Variants in SRRM4 observed in about 807,000 individuals in gnomAD.
SRRM4 encodes the protein serine/arginine repetitive matrix 4.
Under a neutral mutation model 68.9 loss-of-function variants are expected in SRRM4, and 33 were observed. That is an observed-to-expected ratio of 0.48 (90% CI 0.36 to 0.64). SRRM4 has a LOEUF of 0.64. Among genes scored for constraint, SRRM4 ranks in the 30% least tolerant of loss-of-function variants. The probability of loss-of-function intolerance (pLI) is 0.00; values close to 1 mark genes in which losing one functional copy is unlikely to be tolerated. For missense variants in SRRM4, 817 were observed against 827.1 expected (o/e 0.99, Z 0.15); for synonymous variants, 318 against 318.8 (o/e 1.00, Z 0.03).
At chr12:119,047,532 T>A (rs552779642) in intron 1 of SRRM4, among the ~76,000 whole-genome samples, 1 of 152,180 alleles carries the variant, frequency 6.6e-6, no homozygotes, top group African/African-American at 2.4e-5. Flanking sequence ...ATCATTCTTA[T>A]CCCTTTGTGT....
Position 119,156,914 on chromosome 12 carries a change from C to T in SRRM4, c.*116C>T, listed in dbSNP as rs1954477822. On this transcript the variant is annotated 3_prime_UTR_variant, in exon 13 of 13. Coordinates refer to ENST00000267260, the MANE Select transcript of SRRM4 (RefSeq NM_194286.4). The stretch of plus-strand genomic sequence containing the variant: ...TGAGGGCTCCTATACCTTGTCCTTC[C>T]TGCTTGCCTAGGGGAAGAGGAGAAG... The T allele has an allele frequency of 7.7e-7, 1 of 1,304,514 alleles. No homozygotes were observed. Among genetic ancestry groups the T allele is most frequent in the African/African-American group, 1.5e-5 (1 of 67,240 alleles). 80.8% of individuals were successfully genotyped at this position (1,304,514 alleles called of 1,614,324 possible).
chr12:119,143,236 C>T (rs1461079597), intron 8 of SRRM4, among the ~76,000 whole-genome samples: 1 of 152,174 alleles, frequency 6.6e-6, no homozygotes, highest in East Asian at 1.9e-4. Context: ...ACCCTCATGA[C>T]CAATTGCTGA....
intron 1 of SRRM4, among the ~76,000 whole-genome samples, chr12:119,080,483 C>T (rs1953941363): frequency 6.6e-6 from 1 of 152,212 alleles, no homozygotes; most frequent in African/African-American, 2.4e-5. Flanking sequence ...AGGTTATAAA[C>T]ATTTAAGGTT....
chr12:119,119,049 GA>G (rs1463605590), intron 4 of SRRM4, among the ~76,000 whole-genome samples: 1 of 94,198 alleles, frequency 1.1e-5, no homozygotes, highest in Non-Finnish European at 2.0e-5. Context: ...AAAGCACTGA[GA>G]TTTTTTTTTT....
intron 1 of SRRM4, among the ~76,000 whole-genome samples, chr12:119,034,375 A>C (rs957811133): frequency 6.6e-6 from 1 of 152,098 alleles, no homozygotes. Flanking sequence ...GGCTGGGAGG[A>C]TCCACTCTTC....
At chr12:119,058,531 A>C (rs1953791329) in intron 1 of SRRM4, among the ~76,000 whole-genome samples, 4 of 152,196 alleles carry the variant, frequency 2.6e-5, no homozygotes, top group Admixed American at 2.6e-4. Flanking sequence ...AGGTACTTTG[A>C]GTCAAAAGTC....
intron 8 of SRRM4, among the ~76,000 whole-genome samples, chr12:119,140,613 G>A (rs1319344670): frequency 6.6e-6 from 1 of 152,242 alleles, no homozygotes; most frequent in African/African-American, 2.4e-5. Context: ...GCATGCAAAT[G>A]ACTGAACTCA....
chr12:119,061,804 G>A (rs1274468582), intron 1 of SRRM4, among the ~76,000 whole-genome samples: 1 of 152,092 alleles, frequency 6.6e-6, no homozygotes, highest in African/African-American at 2.4e-5. Flanking sequence ...CATGATAAGA[G>A]ACTTGCAGCT....
chr12:119,007,344 GAACA>G (rs1953422565), intron 1 of SRRM4, among the ~76,000 whole-genome samples: 1 of 152,186 alleles, frequency 6.6e-6, no homozygotes. Flanking sequence ...CTGCGCAGGA[GAACA>G]AACAAATATT....
intron 1 of SRRM4, among the ~76,000 whole-genome samples, chr12:119,100,500 A>G (rs1954072239): frequency 6.6e-6 from 1 of 151,864 alleles, no homozygotes; most frequent in Admixed American, 6.6e-5. Flanking sequence ...AAAAAAAAAA[A>G]TGTGTTACCA....
chr12:119,122,471 G>T (rs1208403413), intron 6 of SRRM4, among the ~76,000 whole-genome samples: 1 of 150,374 alleles, frequency 6.7e-6, no homozygotes, highest in South Asian at 2.1e-4. Flanking sequence ...GTGCATGTGT[G>T]TGCCTGGTGT....
At chr12:119,076,286 AC>A (rs1389844541) in intron 1 of SRRM4, among the ~76,000 whole-genome samples, 10 of 152,046 alleles carry the variant, frequency 6.6e-5, no homozygotes, top group African/African-American at 2.4e-4. Flanking sequence ...TCTCACAATC[AC>A]CCTTTGAAGT....
intron 9 of SRRM4, among the ~76,000 whole-genome samples, chr12:119,148,898 A>G (rs1170352278): frequency 6.6e-6 from 1 of 152,178 alleles, no homozygotes; most frequent in Non-Finnish European, 1.5e-5. Context: ...AAGAGACATC[A>G]GCTCTAAATC....
chr12:119,027,187 A>G (rs770208951), intron 1 of SRRM4, among the ~76,000 whole-genome samples: 2 of 152,328 alleles, frequency 1.3e-5, no homozygotes, highest in East Asian at 1.9e-4. Context: ...TGGAGCACCA[A>G]CTAAACCAAC....
chr12:119,110,336 A>G (rs1358975095), intron 2 of SRRM4, among the ~76,000 whole-genome samples: 1 of 152,194 alleles, frequency 6.6e-6, no homozygotes, highest in Non-Finnish European at 1.5e-5. Flanking sequence ...TGGGAGAACC[A>G]CTACTATCTT....
At chr12:119,105,704 G>C (rs1445342167) in intron 2 of SRRM4, among the ~76,000 whole-genome samples, 2 of 151,488 alleles carry the variant, frequency 1.3e-5, no homozygotes, top group African/African-American at 2.4e-5. Flanking sequence ...TAAGTTCTTT[G>C]TAGATTCTGG....
chr12:119,037,194 T>G (rs1953634291), intron 1 of SRRM4, among the ~76,000 whole-genome samples: 2 of 151,522 alleles, frequency 1.3e-5, no homozygotes, highest in South Asian at 4.2e-4. Context: ...GTGATGGGGG[T>G]TTGGGGGATA....
intron 1 of SRRM4, among the ~76,000 whole-genome samples, chr12:118,983,317 A>G (rs899470250): frequency 6.6e-6 from 1 of 152,198 alleles, no homozygotes; most frequent in African/African-American, 2.4e-5. Context: ...ACAGGCCAGT[A>G]GGGTGTAGCA....
chr12:119,083,207 T>G (rs1169099373), intron 1 of SRRM4, among the ~76,000 whole-genome samples: 1 of 151,958 alleles, frequency 6.6e-6, no homozygotes, highest in East Asian at 2.0e-4. Context: ...CACCCACAAT[T>G]TCTGAGCACA....
Sources: gnomAD v4.1 joint callset for allele counts (sites outside exome capture counted in the v4.1 genomes callset) on GRCh38, gnomAD v4.1.1 for gene constraint, MANE v1.5 for transcripts, NCBI Gene and HGNC (gene_info 2026-07-23, HGNC 2026-07-21) for gene names.